Variants in HPSE2 observed in about 807,000 individuals in gnomAD.
The protein encoded by HPSE2 is inactive heparanase-2.
Under a neutral mutation model 60.5 loss-of-function variants are expected in HPSE2, and 38 were observed. That is an observed-to-expected ratio of 0.63 (90% confidence interval 0.48 to 0.82). HPSE2 has a LOEUF of 0.82. HPSE2 is among the 40% of genes least tolerant of loss of function. The pLI is 0.00. For synonymous variants in HPSE2, 295 were observed against 293.2 expected (o/e 1.01, Z -0.06); for missense variants, 713 against 740.4 (o/e 0.96, Z 0.43).
chr10:98,945,129 T>A (rs905149512), intron 3 of HPSE2, among the ~76,000 whole-genome samples: 6 of 152,138 alleles, frequency 3.9e-5, no homozygotes, highest in Non-Finnish European at 7.4e-5. Flanking sequence ...ACCTTTTGTG[T>A]ATGGAATTCC....
chr10:98,783,005 A>G (rs1361458527), intron 3 of HPSE2, among the ~76,000 whole-genome samples: 1 of 111,880 alleles, frequency 8.9e-6, no homozygotes, highest in Non-Finnish European at 1.8e-5. Context: ...TTAGTTACAT[A>G]TGTATACATG....
chr10:99,002,499 C>T (rs1180131308), intron 3 of HPSE2, among the ~76,000 whole-genome samples: 2 of 152,036 alleles, frequency 1.3e-5, no homozygotes, highest in Non-Finnish European at 2.9e-5. Context: ...AATCTATAAC[C>T]TCAGTTTAAA....
At chr10:99,179,196 T>G (rs1455105774) in intron 2 of HPSE2, among the ~76,000 whole-genome samples, 3 of 152,164 alleles carry the variant, frequency 2.0e-5, no homozygotes, top group Admixed American at 6.5e-5. Flanking sequence ...AGTATTCCCT[T>G]TGAAAACCAG....
chr10:99,111,752 T>C (rs1481388938), intron 3 of HPSE2, among the ~76,000 whole-genome samples: 2 of 152,204 alleles, frequency 1.3e-5, no homozygotes, highest in Admixed American at 1.3e-4. Flanking sequence ...CAGTTCTTAA[T>C]TTCCAAAACA....
chr10:98,955,499 C>T (rs1955484543), intron 3 of HPSE2, among the ~76,000 whole-genome samples: 1 of 152,120 alleles, frequency 6.6e-6, no homozygotes, highest in South Asian at 2.1e-4. Flanking sequence ...AATGGTTTTA[C>T]ACTGTTTGTA....
intron 5 of HPSE2, among the ~76,000 whole-genome samples, chr10:98,718,613 G>A (rs1318104447): frequency 6.6e-6 from 1 of 152,160 alleles, no homozygotes; most frequent in African/African-American, 2.4e-5. Flanking sequence ...GCCATAAAAA[G>A]AGTGAAATTC....
chr10:98,826,768 G>A lies in HPSE2; in HGVS notation c.611-82712C>T, dbSNP rs530707705. Among the ~76,000 whole-genome samples, 3 of 152,268 alleles carry A rather than the reference G, an allele frequency of 2.0e-5. No individual in the cohort carries two copies. In the South Asian group the frequency reaches 6.2e-4, roughly 32 times the overall value. ...CAGCCATGTGAGTCAGCCATATTGG[G>A]AGTAAATCCACTAGCTCAAGCTGCC... is the stretch of plus-strand genomic sequence containing the variant. On this transcript the variant is annotated intron_variant, in intron 3 of 11. Coordinates refer to ENST00000370552, the MANE Select transcript of HPSE2 (RefSeq NM_021828.5).
chr10:98,488,977 C>G (rs1941543863), intron 10 of HPSE2, among the ~76,000 whole-genome samples: 1 of 152,030 alleles, frequency 6.6e-6, no homozygotes, highest in African/African-American at 2.4e-5. Context: ...TGGCTTGGCT[C>G]CTCTCTCATC....
chr10:98,983,336 G>T (rs1471446098), intron 3 of HPSE2, among the ~76,000 whole-genome samples: 1 of 152,108 alleles, frequency 6.6e-6, no homozygotes, highest in Non-Finnish European at 1.5e-5. Context: ...GAAGTGTGTT[G>T]CTTATGTTTA....
chr10:99,155,603 A>C (rs1398379709), intron 2 of HPSE2, among the ~76,000 whole-genome samples: 2 of 141,896 alleles, frequency 1.4e-5, no homozygotes, highest in Non-Finnish European at 3.1e-5. Context: ...CATTCAAAGC[A>C]GTGTGTAGAG....
intron 6 of HPSE2, among the ~76,000 whole-genome samples, chr10:98,658,752 G>T (rs1179208416): frequency 6.6e-6 from 1 of 152,074 alleles, no homozygotes; most frequent in Non-Finnish European, 1.5e-5. Flanking sequence ...ACTTTCAAAA[G>T]AGTGACCATA....
intron 3 of HPSE2, among the ~76,000 whole-genome samples, chr10:99,019,232 G>C (rs540360765): frequency 1.8e-4 from 28 of 152,292 alleles, no homozygotes; most frequent in Middle Eastern, 3.4e-3. Context: ...CAATGTGTTA[G>C]CTGCTTGCTG....
chr10:98,954,625 C>T (rs1955457075), intron 3 of HPSE2, among the ~76,000 whole-genome samples: 1 of 152,052 alleles, frequency 6.6e-6, no homozygotes, highest in Admixed American at 6.6e-5. Flanking sequence ...AAAGAGATGG[C>T]AAGTTGAACA....
rs573120788 is a variant in HPSE2, at chr10:99,111,179, A to G, written c.610+33059T>C. On this transcript the variant is annotated intron_variant, in intron 3 of 11. Transcript: ENST00000370552. ...TTCTGTCCCATTGATCTATTTGTCT[A>G]TTCTTTCACCAATACCACGTGGTCT... is the stretch of plus-strand genomic sequence containing the variant. Among the ~76,000 whole-genome samples, 152 of 152,200 alleles carry G rather than the reference A, an allele frequency of 1.0e-3. 1 individual carries two copies. Among genetic ancestry groups the G allele is most frequent in the African/African-American group, 3.0e-3 (125 of 41,536 alleles).
At chr10:98,537,832 C>T (rs566134138) in intron 9 of HPSE2, among the ~76,000 whole-genome samples, 7 of 152,360 alleles carry the variant, frequency 4.6e-5, no homozygotes, top group African/African-American at 1.7e-4. Flanking sequence ...AAACCCCTCC[C>T]TGCGGTGCTG....
intron 3 of HPSE2, among the ~76,000 whole-genome samples, chr10:99,007,770 G>A (rs1455368667): frequency 6.6e-6 from 1 of 152,168 alleles, no homozygotes; most frequent in Non-Finnish European, 1.5e-5. Flanking sequence ...GACAAAATGG[G>A]AGCAGGGCCT....
intron 3 of HPSE2, among the ~76,000 whole-genome samples, chr10:99,095,913 T>C (rs1419725075): frequency 6.6e-6 from 1 of 152,250 alleles, no homozygotes; most frequent in Non-Finnish European, 1.5e-5. Flanking sequence ...GAATTGCATT[T>C]TAAAGTACTT....
intron 9 of HPSE2, among the ~76,000 whole-genome samples, chr10:98,538,720 C>T (rs1028028474): frequency 1.3e-5 from 2 of 152,060 alleles, no homozygotes; most frequent in Non-Finnish European, 2.9e-5. Context: ...GAACAACTGA[C>T]CTAGATCCTA....
intron 3 of HPSE2, among the ~76,000 whole-genome samples, chr10:98,838,289 T>G (rs1951837012): frequency 6.6e-6 from 1 of 152,208 alleles, no homozygotes; most frequent in Admixed American, 6.5e-5. Flanking sequence ...CTGTAAGATG[T>G]AGATAATAGT....
Sources: gnomAD v4.1 joint callset for allele counts (sites outside exome capture counted in the v4.1 genomes callset) on GRCh38, gnomAD v4.1.1 for gene constraint, MANE v1.5 for transcripts, NCBI Gene and HGNC (gene_info 2026-07-23, HGNC 2026-07-21) for gene names.